The following KSR2 variants were observed in gnomAD, a reference collection of about 807,000 sequenced individuals.
KSR2 encodes kinase suppressor of ras 2.
Under a neutral mutation model 107.8 loss-of-function variants are expected in KSR2, and 25 were observed. The ratio of observed to expected loss-of-function variants is 0.23; its 90% CI spans 0.17 to 0.32. KSR2 has a LOEUF of 0.32. KSR2 is among the 10% of genes least tolerant of loss of function. The pLI is 1.00. For missense variants in KSR2, 887 were observed against 1,268.9 expected, an observed-to-expected ratio of 0.70 and a Z score of 4.57; for synonymous variants, 480 against 507.0, an observed-to-expected ratio of 0.95 and a Z score of 0.71.
At position 117,460,550 on chromosome 12, in the gene KSR2, C is replaced by T. The variant is rs1380986178; in HGVS notation, c.*6649G>A. 1 of 152,234 alleles carries T rather than the reference C, an allele frequency of 6.6e-6. No homozygotes were observed. Among genetic ancestry groups the T allele is most frequent in the East Asian group, 1.9e-4 (1 of 5,194 alleles). The allele number at this position is 152,234 out of a possible 1,614,324, so 9.4% of individuals were successfully genotyped here. A position where few individuals can be genotyped will look rare whatever the true frequency, so the allele number is the denominator to read the frequency against. On this transcript the variant is annotated 3_prime_UTR_variant, in exon 20 of 20. Transcript: ENST00000339824. ...AGTTTGAGAACATAAGTTCAAGCTT[C>T]CGTGCAAACTCCCAGTATGGTCCCT...
intron 1 of KSR2, among the ~76,000 whole-genome samples, chr12:117,948,503 A>T (rs1006501487): frequency 2.0e-5 from 3 of 152,012 alleles, no homozygotes; most frequent in Admixed American, 1.3e-4. Context: ...AAAAAAAAAA[A>T]AATTATAATA....
intron 1 of KSR2, among the ~76,000 whole-genome samples, chr12:117,866,142 T>A (rs918087666): frequency 6.7e-6 from 1 of 149,898 alleles, no homozygotes; most frequent in Non-Finnish European, 1.5e-5. Flanking sequence ...GCTCAAGCCA[T>A]CCTCCCACCT....
At chr12:117,896,029 A>G (rs1894499638) in intron 1 of KSR2, among the ~76,000 whole-genome samples, 1 of 152,250 alleles carries the variant, frequency 6.6e-6, no homozygotes, top group African/African-American at 2.4e-5. Flanking sequence ...ACTGCACTCC[A>G]TCCTGGGCTA....
chr12:117,871,992 T>C (rs1322312219), intron 1 of KSR2, among the ~76,000 whole-genome samples: 1 of 152,198 alleles, frequency 6.6e-6, no homozygotes, highest in African/African-American at 2.4e-5. Context: ...TATATGATAG[T>C]AAGTTACAAA....
At chr12:117,666,125 A>G (rs527341233) in intron 5 of KSR2, among the ~76,000 whole-genome samples, 1 of 152,162 alleles carries the variant, frequency 6.6e-6, no homozygotes, top group Non-Finnish European at 1.5e-5. Context: ...GCACCAAGAC[A>G]AGGCAGTCTC....
chr12:117,597,062 C>G (rs535161011), intron 5 of KSR2, among the ~76,000 whole-genome samples: 1 of 152,094 alleles, frequency 6.6e-6, no homozygotes, highest in East Asian at 1.9e-4. Flanking sequence ...ACGTATCTCC[C>G]GTGCAAGGGC....
rs1896374185 is a variant in KSR2 at position 117,951,886 on chromosome 12, TCTG to T, written c.180+16187_180+16189del. Among the ~76,000 whole-genome samples, 6 of 152,222 alleles carry T rather than the reference TCTG, an allele frequency of 3.9e-5. No homozygotes were observed. The South Asian group carries it at 1.2e-3, about 32-fold the overall frequency. ...CCAGATCAAAAGGCTGCCTTGTCATTCTGCTAAGTGAAATAAGGCAGACAGAGA... is the reference window on the plus strand; with the variant it reads ...CCAGATCAAAAGGCTGCCTTGTCATTCTAAGTGAAATAAGGCAGACAGAGA... On this transcript the variant is annotated intron_variant, in intron 1 of 19. Coordinates refer to ENST00000339824, the MANE Select transcript of KSR2 (RefSeq NM_173598.6).
At chr12:117,748,403 A>G (rs1888489878) in intron 4 of KSR2, among the ~76,000 whole-genome samples, 1 of 152,170 alleles carries the variant, frequency 6.6e-6, no homozygotes, top group South Asian at 2.1e-4. Context: ...GTTAATAATA[A>G]TATACCACAT....
chr12:117,482,742 TCAGAGGTCCTG>T (rs1872245840), intron 16 of KSR2, among the ~76,000 whole-genome samples: 1 of 152,152 alleles, frequency 6.6e-6, no homozygotes, highest in Non-Finnish European at 1.5e-5. Flanking sequence ...AGGAAGAAAA[TCAGAGGTCCTG>T]CACCCCTTTC....
intron 4 of KSR2, among the ~76,000 whole-genome samples, chr12:117,668,422 G>A (rs1296126761): frequency 1.3e-5 from 2 of 152,198 alleles, no homozygotes; most frequent in Non-Finnish European, 2.9e-5. Context: ...CTGATGGGGT[G>A]CCTCACAGCC....
At chr12:117,818,009 G>A (rs1013779686) in intron 3 of KSR2, among the ~76,000 whole-genome samples, 1 of 152,070 alleles carries the variant, frequency 6.6e-6, no homozygotes, top group Non-Finnish European at 1.5e-5. Flanking sequence ...ACTGAGGCAG[G>A]AGAATCACTT....
intron 4 of KSR2, among the ~76,000 whole-genome samples, chr12:117,742,850 C>T (rs776786287): frequency 1.3e-5 from 2 of 152,172 alleles, no homozygotes; most frequent in Non-Finnish European, 2.9e-5. Flanking sequence ...ACAAAAGCCA[C>T]CACCCTCTCT....
intron 16 of KSR2, among the ~76,000 whole-genome samples, chr12:117,479,118 C>T (rs138582169): frequency 1.3e-3 from 198 of 152,204 alleles, no homozygotes; most frequent in Admixed American, 2.8e-3. Flanking sequence ...CCCATACATG[C>T]GATTCTTTAA....
At chr12:117,579,746 C>T (rs1008109421) in intron 6 of KSR2, among the ~76,000 whole-genome samples, 1 of 152,102 alleles carries the variant, frequency 6.6e-6, no homozygotes, top group South Asian at 2.1e-4. Context: ...GAGCTGAGAC[C>T]CCAAACCTTA....
intron 1 of KSR2, among the ~76,000 whole-genome samples, chr12:117,933,890 C>T (rs1241224078): frequency 1.3e-5 from 2 of 152,166 alleles, no homozygotes; most frequent in Non-Finnish European, 2.9e-5. Context: ...TCTCCATCCA[C>T]TCACCATCCC....
intron 4 of KSR2, among the ~76,000 whole-genome samples, chr12:117,739,157 T>C (rs139962118): frequency 0.011 from 1,688 of 152,188 alleles, 43 homozygotes; most frequent in East Asian, 0.096. Flanking sequence ...AGACTGAGAC[T>C]ATCCTGGCTG....
intron 4 of KSR2, among the ~76,000 whole-genome samples, chr12:117,740,049 C>A (rs1449999456): frequency 6.6e-6 from 1 of 151,568 alleles, no homozygotes; most frequent in Non-Finnish European, 1.5e-5. Context: ...TACACTGAAC[C>A]CAATTTGTAG....
chr12:117,656,981 G>GATATATATATATATATAT (rs59605571), intron 5 of KSR2, among the ~76,000 whole-genome samples: 3 of 98,204 alleles, frequency 3.1e-5, no homozygotes, highest in African/African-American at 1.3e-4. Context: ...TATATAATAG[G>GATATATATATATATATAT]ATATATATAT....
At chr12:117,762,609 T>C (rs2136877615) in intron 3 of KSR2, among the ~76,000 whole-genome samples, 1 of 152,294 alleles carries the variant, frequency 6.6e-6, no homozygotes. Flanking sequence ...CTCACACCTG[T>C]AGTTCCAGCA....
Sources: gnomAD v4.1 joint callset for allele counts (sites outside exome capture counted in the v4.1 genomes callset) on GRCh38, gnomAD v4.1.1 for gene constraint, MANE v1.5 for transcripts, NCBI Gene and HGNC (gene_info 2026-07-23, HGNC 2026-07-21) for gene names.